Variants in CCDC7 observed in about 807,000 individuals in gnomAD.
CCDC7 encodes the protein coiled-coil domain containing 7.
Under a neutral mutation model 196.9 loss-of-function variants are expected in CCDC7, and 183 were observed. That is an observed-to-expected ratio of 0.93 (90% CI 0.82 to 1.05). The LOEUF (loss-of-function observed/expected upper bound fraction) is 1.05, where lower values mean the gene tolerates loss of function less well. CCDC7 is among the 50% of genes least tolerant of loss of function. The pLI is 0.00. For missense variants in CCDC7, 1,540 were observed against 1,482.2 expected (o/e 1.04, Z -0.64); for synonymous variants, 525 against 484.6 (o/e 1.08, Z -1.10).
intron 26 of CCDC7, among the ~76,000 whole-genome samples, chr10:32,727,643 G>C (rs930571494): frequency 6.6e-6 from 1 of 151,998 alleles, no homozygotes. Context: ...CATTTTATTA[G>C]GTTGGTGCAA....
chr10:32,638,005 A>G (rs373164297), intron 20 of CCDC7, among the ~76,000 whole-genome samples: 3 of 152,142 alleles, frequency 2.0e-5, no homozygotes, highest in East Asian at 3.9e-4. Flanking sequence ...GTGAATGGGA[A>G]TTCACTCATG....
intron 20 of CCDC7, among the ~76,000 whole-genome samples, chr10:32,639,106 T>A (rs944085516): frequency 6.6e-6 from 1 of 152,312 alleles, no homozygotes; most frequent in African/African-American, 2.4e-5. Context: ...TTGCTTCTAT[T>A]TCATTCTTCT....
intron 18 of CCDC7, among the ~76,000 whole-genome samples, chr10:32,601,282 G>T (rs1375480239): frequency 6.6e-6 from 1 of 152,114 alleles, no homozygotes; most frequent in African/African-American, 2.4e-5. Context: ...TGTTGACCAG[G>T]CTGGTCTCAA....
At chr10:32,543,032 C>T (rs542791111) in intron 11 of CCDC7, among the ~76,000 whole-genome samples, 1 of 152,174 alleles carries the variant, frequency 6.6e-6, no homozygotes, top group African/African-American at 2.4e-5. Flanking sequence ...AAGGCATATA[C>T]CACATTATAA....
chr10:32,767,852 A>G (rs1036202073), intron 28 of CCDC7, among the ~76,000 whole-genome samples: 1 of 152,154 alleles, frequency 6.6e-6, no homozygotes. Flanking sequence ...AGGAAGCTGA[A>G]TGATCTTCAG....
chr10:32,588,333 T>C lies in CCDC7; in HGVS notation c.1801+4029T>C, dbSNP rs192166885. ...TGTTGTGGAAGTTTTCTTCTATTCA[T>C]AATTTTGTGAGAGTGTTTTTCAAAC... On this transcript the variant is annotated intron_variant, in intron 18 of 41. Transcript: ENST00000639629. 2.5e-3 allele frequency among the ~76,000 whole-genome samples: 374 copies of C among 152,328 alleles called. 2 individuals are homozygous for C. The highest frequency in any genetic ancestry group is 8.6e-3 in the African/African-American group (356 of 41,556).
chr10:32,644,071 T>C (rs1454380013), intron 20 of CCDC7, among the ~76,000 whole-genome samples: 1 of 152,134 alleles, frequency 6.6e-6, no homozygotes, highest in African/African-American at 2.4e-5. Context: ...GATTTTAATT[T>C]ATAATTGACA....
intron 18 of CCDC7, among the ~76,000 whole-genome samples, chr10:32,624,756 G>C (rs2063787450): frequency 6.6e-6 from 1 of 152,024 alleles, no homozygotes; most frequent in African/African-American, 2.4e-5. Context: ...GTGTGTGTGT[G>C]TGTTGATGAC....
At chr10:32,606,150 T>C (rs1440599104) in intron 18 of CCDC7, among the ~76,000 whole-genome samples, 1 of 152,244 alleles carries the variant, frequency 6.6e-6, no homozygotes, top group Non-Finnish European at 1.5e-5. Flanking sequence ...AGGCCACTGC[T>C]TCAGAGGGTA....
At chr10:32,743,375 G>A (rs2074118409) in intron 28 of CCDC7, among the ~76,000 whole-genome samples, 1 of 152,182 alleles carries the variant, frequency 6.6e-6, no homozygotes, top group Non-Finnish European at 1.5e-5. Context: ...TCTGATGGTA[G>A]TTTCTTTTGC....
intron 9 of CCDC7, among the ~76,000 whole-genome samples, chr10:32,517,427 A>G (rs2047191823): frequency 6.6e-6 from 1 of 152,064 alleles, no homozygotes; most frequent in Non-Finnish European, 1.5e-5. Flanking sequence ...TGCCTAGAAC[A>G]AGTCCTGGAA....
At chr10:32,751,712 T>A (rs534405739) in intron 28 of CCDC7, among the ~76,000 whole-genome samples, 4 of 152,174 alleles carry the variant, frequency 2.6e-5, no homozygotes, top group Non-Finnish European at 5.9e-5. Context: ...ATTTCACTGT[T>A]CCATCAGACT....
chr10:32,709,716 G>T (rs1191698210), intron 24 of CCDC7, among the ~76,000 whole-genome samples: 1 of 152,122 alleles, frequency 6.6e-6, no homozygotes, highest in Non-Finnish European at 1.5e-5. Context: ...GACCAGTACT[G>T]GTCATGGCCT....
chr10:32,591,089 A>C (rs986620669), intron 18 of CCDC7, among the ~76,000 whole-genome samples: 1 of 151,600 alleles, frequency 6.6e-6, no homozygotes, highest in South Asian at 2.1e-4. Flanking sequence ...CCCTCTTTCT[A>C]CCTCCTCTCT....
intron 8 of CCDC7, among the ~76,000 whole-genome samples, chr10:32,489,231 A>T (rs2041781464): frequency 6.6e-6 from 1 of 152,160 alleles, no homozygotes; most frequent in South Asian, 2.1e-4. Flanking sequence ...TGGGGTCCAG[A>T]TGCTAGTGTG....
chr10:32,528,661 T>C (rs1240873519), intron 11 of CCDC7, among the ~76,000 whole-genome samples: 3 of 124,632 alleles, frequency 2.4e-5, no homozygotes, highest in Admixed American at 7.9e-5. Context: ...TATATATATA[T>C]ACACACACAT....
intron 25 of CCDC7, among the ~76,000 whole-genome samples, chr10:32,726,151 G>A (rs2083086463): frequency 2.0e-5 from 3 of 151,716 alleles, no homozygotes; most frequent in Admixed American, 6.6e-5. Context: ...TGACTCAAAA[G>A]TTACCGTACT....
intron 11 of CCDC7, among the ~76,000 whole-genome samples, chr10:32,538,127 T>G (rs1293449471): frequency 6.6e-6 from 1 of 152,224 alleles, no homozygotes; most frequent in Non-Finnish European, 1.5e-5. Flanking sequence ...TCCATGAGCA[T>G]GGAATGTTTT....
chr10:32,750,659 A>G (rs2075516508), intron 28 of CCDC7, among the ~76,000 whole-genome samples: 1 of 152,184 alleles, frequency 6.6e-6, no homozygotes, highest in Admixed American at 6.5e-5. Flanking sequence ...GAAGCCAGAG[A>G]GCAAGCAAGC....
Sources: allele counts gnomAD v4.1 joint callset (sites outside exome capture counted in the v4.1 genomes callset), GRCh38; gene constraint gnomAD v4.1.1; transcripts MANE v1.5; gene names NCBI Gene and HGNC (gene_info 2026-07-23, HGNC 2026-07-21).